Variants in IP6K1 observed in about 807,000 individuals in gnomAD.
IP6K1 encodes inositol hexakisphosphate kinase 1.
IP6K1 carries 13 observed loss-of-function variants against 38.3 expected under a neutral mutation model. The ratio of observed to expected loss-of-function variants is 0.34; its 90% CI spans 0.22 to 0.54. IP6K1 has a LOEUF of 0.54. IP6K1 is among the 20% of genes least tolerant of loss of function. The pLI, the probability that IP6K1 is intolerant of heterozygous loss-of-function variation, is 0.92. For missense variants in IP6K1, 397 were observed against 599.8 expected (o/e 0.66, Z 3.53); for synonymous variants, 212 against 229.9 (o/e 0.92, Z 0.70).
At chr3:49,756,817 CAAAAA>C (rs59808252) in intron 1 of IP6K1, among the ~76,000 whole-genome samples, 73 of 133,264 alleles carry the variant, frequency 5.5e-4, no homozygotes, top group African/African-American at 9.9e-4. Flanking sequence ...AACTCCATCT[CAAAAA>C]AAAAAAAAAA....
intron 1 of IP6K1, among the ~76,000 whole-genome samples, chr3:49,755,209 T>C (rs1246349425): frequency 2.0e-5 from 3 of 151,144 alleles, no homozygotes; most frequent in Non-Finnish European, 4.4e-5. Flanking sequence ...AGTGCTGGGA[T>C]TACAAGCATG....
At chr3:49,780,309 T>TACACACACACACACACACACACATACAC (rs2081053957) in intron 1 of IP6K1, among the ~76,000 whole-genome samples, 1 of 117,546 alleles carries the variant, frequency 8.5e-6, no homozygotes, top group Admixed American at 9.4e-5. Context: ...TCATCTTTCA[T>TACACACACACACACACACACACATACAC]ACACACACAC....
intron 4 of IP6K1, among the ~76,000 whole-genome samples, chr3:49,732,409 C>CT (rs2080570303): frequency 1.3e-5 from 2 of 152,140 alleles, no homozygotes; most frequent in South Asian, 2.1e-4. Context: ...TATAGTACCA[C>CT]TAGCCACACT....
At chr3:49,778,356 G>A (rs1015171477) in intron 1 of IP6K1, among the ~76,000 whole-genome samples, 10 of 151,352 alleles carry the variant, frequency 6.6e-5, no homozygotes, top group African/African-American at 2.4e-4. Context: ...GTCTTGGCAA[G>A]GTGTGGTGGC....
rs187719684 is a variant in IP6K1 at position 49,736,601 on chromosome 3, G to A, written c.434+1611C>T. Among the ~76,000 whole-genome samples the A allele has an allele frequency of 2.0e-5, 3 of 152,036 alleles. No individual in the cohort carries two copies. The East Asian group carries it at 5.8e-4, about 29-fold the overall frequency. ...CCATTACATGGATATACCATATTTT[G>A]TTTATCCATTCACCAGTTGATGGAC... On this transcript the variant is annotated intron_variant, in intron 3 of 5. Coordinates refer to ENST00000321599, the MANE Select transcript of IP6K1 (RefSeq NM_153273.4).
At chr3:49,737,594 G>A (rs1262487205) in intron 3 of IP6K1, among the ~76,000 whole-genome samples, 2 of 152,184 alleles carry the variant, frequency 1.3e-5, no homozygotes, top group Non-Finnish European at 2.9e-5. Context: ...GCAGAGGCAG[G>A]AGAATTGCTT....
At chr3:49,748,780 G>C (rs557820457) in intron 1 of IP6K1, 1 of 152,420 alleles carries the variant, frequency 6.6e-6, no homozygotes, top group African/African-American at 2.4e-5. Flanking sequence ...GGGGGCGATG[G>C]TTTCAGCATG....
At position 49,762,241 on chromosome 3, in the gene IP6K1, A is replaced by T. The variant is rs184747577; in HGVS notation, c.-128-14073T>A. ...TGCTGGGATTACAGGCAAGAGCCAC[A>T]AGCATCTTTAAGAAAGAACAGGCCG... On this transcript the variant is annotated intron_variant, in intron 1 of 5. Coordinates refer to ENST00000321599, the MANE Select transcript of IP6K1 (RefSeq NM_153273.4). Among the ~76,000 whole-genome samples, 699 of 152,192 alleles carry T rather than the reference A, an allele frequency of 4.6e-3. 4 individuals carry two copies. Among genetic ancestry groups the T allele is most frequent in the Non-Finnish European group, 7.7e-3 (526 of 67,986 alleles).
intron 2 of IP6K1, among the ~76,000 whole-genome samples, chr3:49,742,840 G>A (rs2080681944): frequency 6.6e-6 from 1 of 150,696 alleles, no homozygotes; most frequent in Admixed American, 6.6e-5. Flanking sequence ...GTGGTGAGTT[G>A]AGATCGTGCC....
chr3:49,727,719 G>A lies in IP6K1; in HGVS notation c.793-64C>T. 5 of 1,520,140 alleles carry A rather than the reference G, an allele frequency of 3.3e-6. No homozygotes were observed. The South Asian group carries it at 4.9e-5, about 15-fold the overall frequency. The allele number at this position is 1,520,140 out of a possible 1,614,324, so 94.2% of individuals were successfully genotyped here. Reference sequence around the variant, plus strand: ...AGTCTGAAGAGCTCACAGTGCCCTGGGCAAACACTGTCTGGAAGGGACTTT... The same window carrying A: ...AGTCTGAAGAGCTCACAGTGCCCTGAGCAAACACTGTCTGGAAGGGACTTT... On this transcript the variant is annotated intron_variant, in intron 5 of 5. Transcript: ENST00000321599. This position sits in a 1 kb window ranked among gnomAD's most constrained non-coding sequence, Gnocchi z 5.9.
At chr3:49,774,018 CA>C (rs761685716) in intron 1 of IP6K1, among the ~76,000 whole-genome samples, 1 of 102,998 alleles carries the variant, frequency 9.7e-6, no homozygotes, top group Non-Finnish European at 2.4e-5. Context: ...CACACACACA[CA>C]ACACACACAT....
At chr3:49,743,827 C>T (rs906230252) in intron 2 of IP6K1, among the ~76,000 whole-genome samples, 4 of 151,494 alleles carry the variant, frequency 2.6e-5, no homozygotes, top group Non-Finnish European at 5.9e-5. Flanking sequence ...ACCATGTTGG[C>T]GAGGCTGGTC....
In IP6K1 at chr3:49,727,661, A is replaced by T; in HGVS notation, c.793-6T>A. ...CCTGTGTCCAGCTGGTACACCTGAA[A>T]CCCCAGGAGGCAGACAGGGTGAGTG... On this transcript the variant is annotated splice_region_variant and splice_polypyrimidine_tract_variant and intron_variant, in intron 5 of 5. Transcript: ENST00000321599. This position sits in a 1 kb window ranked among gnomAD's most constrained non-coding sequence, Gnocchi z 5.9. The T allele has an allele frequency of 1.2e-6, 2 of 1,610,572 alleles. No individual in the cohort carries two copies. Among genetic ancestry groups the T allele is most frequent in the Non-Finnish European group, 1.7e-6 (2 of 1,177,372 alleles).
At chr3:49,761,941 GTCTC>G (rs762822553) in intron 1 of IP6K1, among the ~76,000 whole-genome samples, 25 of 151,922 alleles carry the variant, frequency 1.6e-4, no homozygotes, top group Non-Finnish European at 2.8e-4. Flanking sequence ...GTGAAACCCT[GTCTC>G]TCTCTCTTTC....
At chr3:49,774,421 A>G (rs897120009) in intron 1 of IP6K1, among the ~76,000 whole-genome samples, 20 of 148,574 alleles carry the variant, frequency 1.3e-4, no homozygotes, top group Admixed American at 1.1e-3. Context: ...AAAAAAAAAA[A>G]AAAAAAAAGA....
Position 49,727,970 on chromosome 3 carries a change from G to T in IP6K1, c.792+133C>A. On this transcript the variant is annotated intron_variant, in intron 5 of 5. Transcript: ENST00000321599. The surrounding 1 kb of genome is among the most constrained non-coding windows in gnomAD (Gnocchi z 5.9). ...ACTCTCACAGTGGTCCTGCACCTGA[G>T]GCCCATATCAAAGTCAACAGGTAAG... 1.2e-6 allele frequency: 1 copy of T among 848,308 alleles called. No homozygotes were observed. The highest frequency in any genetic ancestry group is 1.9e-6 in the Non-Finnish European group (1 of 533,954). 52.5% of individuals were successfully genotyped at this position (848,308 alleles called of 1,614,324 possible). A position where few individuals can be genotyped will look rare whatever the true frequency, so the allele number is the denominator to read the frequency against.
intron 1 of IP6K1, among the ~76,000 whole-genome samples, chr3:49,762,772 A>G (rs2080877991): frequency 8.0e-6 from 1 of 124,256 alleles, no homozygotes; most frequent in South Asian, 2.4e-4. Context: ...TACGAGGTCA[A>G]TTATTGCTTT....
At chr3:49,748,299 A>G (rs781162364) in intron 1 of IP6K1, 131 bp from the exon 2 acceptor site, 18 of 487,246 alleles carry the variant, frequency 3.7e-5, no homozygotes, top group Non-Finnish European at 6.4e-5. Flanking sequence ...GTACAATACT[A>G]CGTGGCACAT....
intron 1 of IP6K1, among the ~76,000 whole-genome samples, chr3:49,750,022 A>G (rs2080759184): frequency 6.6e-6 from 1 of 152,176 alleles, no homozygotes; most frequent in African/African-American, 2.4e-5. Context: ...TACCATATCA[A>G]TATACCACTG....
Sources: allele counts gnomAD v4.1 joint callset (sites outside exome capture counted in the v4.1 genomes callset), GRCh38; gene constraint gnomAD v4.1.1; non-coding constraint Gnocchi (gnomAD v3.1); transcripts MANE v1.5; gene names NCBI Gene and HGNC (gene_info 2026-07-23, HGNC 2026-07-21).